The following ADCY9 variants were observed in gnomAD, a reference collection of about 807,000 sequenced individuals.
ADCY9 encodes the protein adenylate cyclase 9, also known as adenylate cyclase type 9.
In ADCY9, 50 loss-of-function variants were observed where a neutral mutation model predicts 101.5. The ratio of observed to expected loss-of-function variants is 0.49; its 90% confidence interval spans 0.39 to 0.62. ADCY9 has a LOEUF of 0.62. Ranked by LOEUF, ADCY9 falls within the 20% of genes least tolerant of loss-of-function variation. The probability of loss-of-function intolerance (pLI) is 0.00; values close to 1 mark genes in which losing one functional copy is unlikely to be tolerated. For synonymous variants in ADCY9, 905 were observed against 769.3 expected, an observed-to-expected ratio of 1.18 and a Z score of -2.92; for missense variants, 1,662 against 1,800.4, an observed-to-expected ratio of 0.92 and a Z score of 1.39.
At chr16:4,009,957 A>C (rs1024325174) in intron 2 of ADCY9, among the ~76,000 whole-genome samples, 6 of 152,186 alleles carry the variant, frequency 3.9e-5, no homozygotes, top group South Asian at 2.1e-4. Context: ...CAGGGTGGTG[A>C]CAGGAGCCAC....
intron 2 of ADCY9, among the ~76,000 whole-genome samples, chr16:4,053,150 C>A (rs928138148): frequency 6.6e-6 from 1 of 152,220 alleles, no homozygotes; most frequent in African/African-American, 2.4e-5. Context: ...ATTCAATGGG[C>A]ATGCGCTTCC....
intron 2 of ADCY9, among the ~76,000 whole-genome samples, chr16:4,107,717 A>C (rs2057086902): frequency 6.6e-6 from 1 of 152,124 alleles, no homozygotes; most frequent in African/African-American, 2.4e-5. Context: ...CTGAGCATGC[A>C]ACTGAACCCC....
intron 2 of ADCY9, among the ~76,000 whole-genome samples, chr16:4,099,991 G>T (rs1308825622): frequency 6.6e-6 from 1 of 152,162 alleles, no homozygotes; most frequent in East Asian, 1.9e-4. Flanking sequence ...ATATAGTTTA[G>T]CTCTGTGTCC....
At chr16:4,108,792 G>A (rs753798173) in intron 2 of ADCY9, among the ~76,000 whole-genome samples, 1 of 146,070 alleles carries the variant, frequency 6.8e-6, no homozygotes, top group African/African-American at 2.5e-5. Context: ...TGCAACCTCC[G>A]TCTCCCAGGT....
chr16:3,979,220 T>A lies in ADCY9; in HGVS notation c.2575A>T (p.Ile859Phe). The A allele has an allele frequency of 1.2e-6, 2 of 1,614,054 alleles. No homozygotes were observed. Among genetic ancestry groups the A allele is most frequent in the Non-Finnish European group, 1.7e-6 (2 of 1,180,010 alleles). Residue 859 changes from isoleucine (I) to phenylalanine (F), a missense_variant, in exon 8 of 11, where the codon ATC becomes TTC. Ile to Phe is a conservative substitution (Grantham distance 21). Coordinates refer to ENST00000294016, the MANE Select transcript of ADCY9 (RefSeq NM_001116.4). ...CAGTGACGTGGTAGCCAGCCGGCGA[T>A]CCACTCCAGCAGGCGCTTGGTGCAG... ...MACTKRLLEW[I>F]AGWLPRHCIG... is the part of the protein sequence containing the mutation.
chr16:4,002,485 A>G (rs2531967), intron 3 of ADCY9, among the ~76,000 whole-genome samples: 112,584 of 152,092 alleles, frequency 0.74, 42,292 homozygotes, highest in East Asian at 0.95. Flanking sequence ...TCCTCTCTGA[A>G]TCATCCCCGT....
intron 2 of ADCY9, among the ~76,000 whole-genome samples, chr16:4,088,326 G>C (rs2056952685): frequency 6.6e-6 from 1 of 151,478 alleles, no homozygotes; most frequent in African/African-American, 2.4e-5. Flanking sequence ...GGGTCTTGCT[G>C]TGCTGCCCAG....
chr16:3,977,726 C>CTT, intron 8 of ADCY9, 96 bp from the exon 9 acceptor site: 33 of 1,090,212 alleles, frequency 3.0e-5, no homozygotes, highest in South Asian at 5.9e-5. Context: ...TCCATGTTTC[C>CTT]TTTTTTTTTT....
chr16:4,003,169 G>A (rs919552903), intron 3 of ADCY9, among the ~76,000 whole-genome samples: 12 of 152,128 alleles, frequency 7.9e-5, no homozygotes, highest in African/African-American at 2.2e-4. Flanking sequence ...AGGCACACAT[G>A]CTCCCGTGTC....
At chr16:4,076,054 T>G (rs939645161) in intron 2 of ADCY9, among the ~76,000 whole-genome samples, 11 of 152,008 alleles carry the variant, frequency 7.2e-5, no homozygotes, top group African/African-American at 2.7e-4. Flanking sequence ...AACAGCTGGG[T>G]GGCGTAGCAC....
At chr16:4,086,200 G>A (rs1031078252) in intron 2 of ADCY9, among the ~76,000 whole-genome samples, 3 of 152,030 alleles carry the variant, frequency 2.0e-5, no homozygotes, top group African/African-American at 7.2e-5. Flanking sequence ...GCACAAAGCT[G>A]GAAGGGAGGT....
chr16:4,081,585 A>G (rs1352167050), intron 2 of ADCY9, among the ~76,000 whole-genome samples: 1 of 152,252 alleles, frequency 6.6e-6, no homozygotes, highest in Non-Finnish European at 1.5e-5. Flanking sequence ...GCCCAGCTCG[A>G]AAGCCTTCGA....
rs1377671872 is a variant in ADCY9 at position 3,988,009 on chromosome 16, G to C, written c.2310+985C>G. 4.7e-5 allele frequency among the ~76,000 whole-genome samples: 7 copies of C among 147,476 alleles called. No homozygotes were observed. In the East Asian group the frequency reaches 1.2e-3, roughly 25 times the overall value. ...CTGTGAGGAGGGGCTGGAGGAGAGA[G>C]ATGGGTGTTGGGACTGTGCTGGAGG... On this transcript the variant is annotated intron_variant, in intron 6 of 10. Coordinates refer to ENST00000294016, the MANE Select transcript of ADCY9 (RefSeq NM_001116.4).
At chr16:4,060,139 C>T (rs1214457759) in intron 2 of ADCY9, among the ~76,000 whole-genome samples, 1 of 152,232 alleles carries the variant, frequency 6.6e-6, no homozygotes. Flanking sequence ...TTCCTGTAAA[C>T]AACAGGAAAT....
At chr16:4,071,758 C>T (rs1437924201) in intron 2 of ADCY9, among the ~76,000 whole-genome samples, 1 of 152,044 alleles carries the variant, frequency 6.6e-6, no homozygotes, top group African/African-American at 2.4e-5. Flanking sequence ...TTTTAGTTGG[C>T]TTCTTAACAG....
In ADCY9 at chr16:4,113,845, T is replaced by A. The variant is rs1265100094; in HGVS notation, c.1598A>T (p.Glu533Val). The A allele has an allele frequency of 1.9e-6, 3 of 1,614,196 alleles. No homozygotes were observed. The highest frequency in any genetic ancestry group is 2.5e-6 in the Non-Finnish European group (3 of 1,180,030). ...GTCATCTAAGTATTTTGCGGTGGCCTCAGAAATGTGAACTTTGCCGGCCAC... is the reference window on the plus strand; with the variant it reads ...GTCATCTAAGTATTTTGCGGTGGCCACAGAAATGTGAACTTTGCCGGCCAC... Reference protein sequence around the residue: ...LGVAGKVHISEATAKYLDDRY... With the variant: ...LGVAGKVHISVATAKYLDDRY... Residue 533 changes from glutamate (E) to valine (V), a missense_variant, in exon 2 of 11, where the codon GAG becomes GTG. By Grantham distance (121) the Glu-to-Val change is moderately radical. Around this residue, in one of 5 missense-constraint regions of ADCY9, gnomAD observed 624 missense variants for 639.1 expected, o/e 0.98. Transcript: ENST00000294016.
chr16:4,062,515 C>T (rs1261180812), intron 2 of ADCY9, among the ~76,000 whole-genome samples: 1 of 152,098 alleles, frequency 6.6e-6, no homozygotes, highest in Non-Finnish European at 1.5e-5. Context: ...GAAAAATGTA[C>T]TATGCAAACA....
intron 2 of ADCY9, among the ~76,000 whole-genome samples, chr16:4,081,218 TG>T (rs776416813): frequency 1.2e-4 from 19 of 152,100 alleles, no homozygotes; most frequent in Admixed American, 2.6e-4. Context: ...GAACACAAAC[TG>T]GAACTAATCA....
chr16:4,001,518 G>C (rs2056330641), intron 3 of ADCY9, among the ~76,000 whole-genome samples: 1 of 152,124 alleles, frequency 6.6e-6, no homozygotes. Context: ...TGCCCGGTTT[G>C]TCCACTGTGA....
Sources: allele counts gnomAD v4.1 joint callset (sites outside exome capture counted in the v4.1 genomes callset), GRCh38; gene constraint gnomAD v4.1.1; regional missense constraint gnomAD v4.1.1; transcripts MANE v1.5; gene names NCBI Gene and HGNC (gene_info 2026-07-23, HGNC 2026-07-21).